FHIT: variants seen among roughly 807,000 people sequenced by gnomAD.
FHIT encodes fragile histidine triad diadenosine triphosphatase, also known as bis(5'-adenosyl)-triphosphatase.
A neutral mutation model predicts 17.9 loss-of-function variants in FHIT; 19 were observed. The ratio of observed to expected loss-of-function variants is 1.06; its 90% CI spans 0.74 to 1.56. The LOEUF is 1.56. Ranked by LOEUF, FHIT falls within the 40% of genes most tolerant of loss-of-function variation. The pLI is 0.00. For missense variants in FHIT, 248 were observed against 189.2 expected (o/e 1.31, Z -1.82); for synonymous variants, 81 against 69.7 (o/e 1.16, Z -0.81).
chr3:59,763,372 G>A (rs1045958373), intron 8 of FHIT, among the ~76,000 whole-genome samples: 1 of 152,200 alleles, frequency 6.6e-6, no homozygotes, highest in African/African-American at 2.4e-5. Context: ...ATAATGCACA[G>A]CCACAGAATC....
intron 5 of FHIT, among the ~76,000 whole-genome samples, chr3:60,290,355 T>C (rs112981042): frequency 0.01 from 1,596 of 152,226 alleles, 28 homozygotes; most frequent in African/African-American, 0.035. Context: ...TTTTAACAAA[T>C]AGAAATGTGA....
chr3:60,617,778 G>A (rs903956243), intron 4 of FHIT: 1 of 153,022 alleles, frequency 6.5e-6, no homozygotes, highest in African/African-American at 2.4e-5. Flanking sequence ...TCTTTTGGCA[G>A]AGAAAAAGTT....
intron 5 of FHIT, among the ~76,000 whole-genome samples, chr3:60,083,058 C>T (rs1214239457): frequency 6.6e-6 from 1 of 152,072 alleles, no homozygotes; most frequent in Non-Finnish European, 1.5e-5. Flanking sequence ...TCCAGAAAGA[C>T]ATTTCCTAAC....
chr3:60,314,834 C>G (rs571274335), intron 5 of FHIT, among the ~76,000 whole-genome samples: 35 of 152,172 alleles, frequency 2.3e-4, no homozygotes, highest in African/African-American at 8.2e-4. Context: ...CCTGTAATCC[C>G]AGCACTTTAG....
chr3:59,902,508 C>T (rs1281721476), intron 8 of FHIT, among the ~76,000 whole-genome samples: 1 of 151,908 alleles, frequency 6.6e-6, no homozygotes, highest in Non-Finnish European at 1.5e-5. Flanking sequence ...TTCATCGTAG[C>T]ATTATTCAAA....
intron 8 of FHIT, among the ~76,000 whole-genome samples, chr3:59,895,844 A>C (rs1429825941): frequency 6.6e-6 from 1 of 152,198 alleles, no homozygotes; most frequent in Non-Finnish European, 1.5e-5. Context: ...AACATCTTAC[A>C]AAGTCTGGCA....
chr3:60,248,697 G>C (rs561899349), intron 5 of FHIT, among the ~76,000 whole-genome samples: 5 of 152,224 alleles, frequency 3.3e-5, no homozygotes, highest in African/African-American at 1.2e-4. Context: ...TTAGTATTCA[G>C]GTTGAAGGGT....
At chr3:60,091,260 T>C (rs1427380250) in intron 5 of FHIT, among the ~76,000 whole-genome samples, 2 of 152,202 alleles carry the variant, frequency 1.3e-5, no homozygotes, top group Non-Finnish European at 2.9e-5. Context: ...GGCAAGGACA[T>C]ATGAGTTTGT....
intron 5 of FHIT, among the ~76,000 whole-genome samples, chr3:60,366,744 A>G (rs1179400135): frequency 6.6e-6 from 1 of 152,114 alleles, no homozygotes. Context: ...CAGAATCATG[A>G]GCTGTATAAA....
At chr3:59,965,868 C>A (rs576198812) in intron 7 of FHIT, among the ~76,000 whole-genome samples, 1 of 152,262 alleles carries the variant, frequency 6.6e-6, no homozygotes, top group African/African-American at 2.4e-5. Flanking sequence ...CTCCTCTTGG[C>A]TCTATCAAAC....
intron 8 of FHIT, among the ~76,000 whole-genome samples, chr3:59,858,631 T>A (rs1702278477): frequency 6.6e-6 from 1 of 151,958 alleles, no homozygotes; most frequent in Admixed American, 6.6e-5. Context: ...TAACTGAACA[T>A]GCAGGGCAAC....
At chr3:60,978,712 T>G (rs577610879) in intron 3 of FHIT, among the ~76,000 whole-genome samples, 15 of 152,186 alleles carry the variant, frequency 9.9e-5, no homozygotes, top group Non-Finnish European at 1.9e-4. Context: ...AATGAGATCA[T>G]GTGCATCATC....
chr3:60,018,292 T>A (rs905630301), intron 5 of FHIT, among the ~76,000 whole-genome samples: 3 of 152,122 alleles, frequency 2.0e-5, no homozygotes, highest in Non-Finnish European at 2.9e-5. Flanking sequence ...AAAGATGACA[T>A]CAAGTGATTC....
At chr3:60,224,609 C>T (rs1488399466) in intron 5 of FHIT, among the ~76,000 whole-genome samples, 1 of 152,126 alleles carries the variant, frequency 6.6e-6, no homozygotes, top group East Asian at 1.9e-4. Flanking sequence ...TCTAAAGCAT[C>T]CTCTTTTGGA....
chr3:60,407,683 T>C (rs1487517278), intron 5 of FHIT, among the ~76,000 whole-genome samples: 1 of 152,024 alleles, frequency 6.6e-6, no homozygotes, highest in African/African-American at 2.4e-5. Context: ...CCTGGCTAAA[T>C]TTTTTGTATT....
chr3:60,066,942 C>T (rs905655827), intron 5 of FHIT, among the ~76,000 whole-genome samples: 8 of 152,206 alleles, frequency 5.3e-5, no homozygotes, highest in South Asian at 2.1e-4. Flanking sequence ...CTGCGCCTGA[C>T]AGACAAAATT....
chr3:60,285,953 C>T (rs1707707108), intron 5 of FHIT, among the ~76,000 whole-genome samples: 1 of 152,094 alleles, frequency 6.6e-6, no homozygotes, highest in African/African-American at 2.4e-5. Context: ...CTAGCCACTC[C>T]ACGTGATTTG....
At chr3:59,813,458 G>T (rs911204763) in intron 8 of FHIT, among the ~76,000 whole-genome samples, 3 of 152,186 alleles carry the variant, frequency 2.0e-5, no homozygotes, top group Non-Finnish European at 4.4e-5. Flanking sequence ...TGTGAAGAGA[G>T]AAATAATAAT....
chr3:59,813,225 A>G (rs4679507), intron 8 of FHIT, among the ~76,000 whole-genome samples: 112,005 of 152,066 alleles, frequency 0.74, 41,501 homozygotes, highest in Middle Eastern at 0.85. Flanking sequence ...ATTTCATAAC[A>G]TCTAATTTGT....
Sources: allele counts gnomAD v4.1 joint callset (sites outside exome capture counted in the v4.1 genomes callset), GRCh38; gene constraint gnomAD v4.1.1; transcripts MANE v1.5; gene names NCBI Gene and HGNC (gene_info 2026-07-23, HGNC 2026-07-21).